The following DUXB variants were observed in gnomAD, a reference collection of about 807,000 sequenced individuals.
DUXB encodes the protein double homeobox B.
Under a neutral mutation model 8.9 loss-of-function variants are expected in DUXB, and 22 were observed. That is an observed-to-expected ratio of 2.46 (90% confidence interval 1.76 to 3.52). DUXB has a LOEUF of 3.52. DUXB is among the 30% of genes most tolerant of loss of function. DUXB has a pLI of 0.00. For synonymous variants in DUXB, 84 were observed against 37.6 expected (o/e 2.23, Z -4.52); for missense variants, 237 against 108.7 (o/e 2.18, Z -5.25).
chr16:75,697,486 C>G (rs889677416), intron 2 of DUXB, among the ~76,000 whole-genome samples: 4 of 152,176 alleles, frequency 2.6e-5, no homozygotes, highest in Non-Finnish European at 5.9e-5. Context: ...TCCTAGCAAG[C>G]CACACACCTC....
intron 2 of DUXB, 30 bp downstream of exon 2, chr16:75,699,985 C>T (rs1386316175): frequency 1.5e-6 from 1 of 676,768 alleles, no homozygotes; most frequent in Non-Finnish European, 2.7e-6. Flanking sequence ...ATGGTTCTGA[C>T]AGGTAATGAA....
At chr16:75,695,331 G>C (rs2082596976) in intron 4 of DUXB, among the ~76,000 whole-genome samples, 1 of 152,184 alleles carries the variant, frequency 6.6e-6, no homozygotes, top group South Asian at 2.1e-4. Flanking sequence ...GTGTGCATAA[G>C]AATTCGTAGT....
chr16:75,699,392 A>G (rs1439005864), intron 2 of DUXB, among the ~76,000 whole-genome samples: 4 of 152,188 alleles, frequency 2.6e-5, no homozygotes, highest in Non-Finnish European at 4.4e-5. Context: ...CATAATTATC[A>G]TGGTGATTTC....
intron 2 of DUXB, 136 bp downstream of exon 2, chr16:75,699,879 T>G: frequency 2.0e-6 from 1 of 512,306 alleles, no homozygotes; most frequent in Non-Finnish European, 3.4e-6. Context: ...TGTTTTCTAA[T>G]TTTGTAGAAC....
chr16:75,694,547 A>C (rs1041127897), intron 4 of DUXB, 22 bp from the exon 5 acceptor site: 2 of 702,964 alleles, frequency 2.8e-6, no homozygotes, highest in Non-Finnish European at 5.2e-6. Context: ...AAAGGGCAAC[A>C]TGACATCATA....
In DUXB at chr16:75,696,027, T is replaced by C. The variant is rs2082603628; in HGVS notation, c.375A>G (p.Pro125=). Residue 125 remains proline (P), a synonymous_variant, in exon 4 of 5, where the codon CCA becomes CCG. Transcript: ENST00000633875. ...TTTTTCTGGTAGCAATATCAGGGAA[T>C]GGGTTCCTCTCAAAGGCTTGCACTA... ...NRLVQAFERN[P]FPDIATRKKL... The C allele has an allele frequency of 2.8e-6, 2 of 702,916 alleles. No individual in the cohort carries two copies. The highest frequency in any genetic ancestry group is 2.0e-5 in the Admixed American group (1 of 49,996). 43.5% of individuals were successfully genotyped at this position (702,916 alleles called of 1,614,324 possible). A position where few individuals can be genotyped will look rare whatever the true frequency, so the allele number is the denominator to read the frequency against.
chr16:75,694,096 C>A lies in DUXB; in HGVS notation c.871G>T (p.Gly291Cys), dbSNP rs1390343070. ...EEHQNHKEHS[G>C]SGVPQVKSHS... is the part of the protein sequence containing the mutation. ...CTCTTGACCTGTGGTACTCCCGAGC[C>A]AGAGTGTTCTTTGTGATTTTGGTGT... Residue 291 changes from glycine (G) to cysteine (C), a missense_variant, in exon 5 of 5, where the codon GGC becomes TGC. Transcript: ENST00000633875. 2 of 420,182 alleles carry A rather than the reference C, an allele frequency of 4.8e-6. No individual in the cohort carries two copies. Among genetic ancestry groups the A allele is most frequent in the Non-Finnish European group, 8.3e-6 (2 of 240,660 alleles). 26.0% of individuals were successfully genotyped at this position (420,182 alleles called of 1,614,324 possible). A position where few individuals can be genotyped will look rare whatever the true frequency, so the allele number is the denominator to read the frequency against.
chr16:75,694,976 T>C (rs1435739202), intron 4 of DUXB, among the ~76,000 whole-genome samples: 2 of 152,218 alleles, frequency 1.3e-5, no homozygotes, highest in Non-Finnish European at 2.9e-5. Context: ...TGACTGTATA[T>C]GAAATCATGT....
At chr16:75,695,873 C>T (rs1454479096) in intron 4 of DUXB, 88 bp downstream of exon 4, 1 of 661,644 alleles carries the variant, frequency 1.5e-6, no homozygotes, top group Non-Finnish European at 2.7e-6. Flanking sequence ...ACTTTGATAA[C>T]CCAAGTCAGC....
At chr16:75,700,894 G>A (rs1427438403) in intron 1 of DUXB, among the ~76,000 whole-genome samples, 1 of 152,000 alleles carries the variant, frequency 6.6e-6, no homozygotes, top group African/African-American at 2.4e-5. Context: ...ATATATATTA[G>A]AAAACGATAA....
intron 3 of DUXB, 145 bp from the exon 4 acceptor site, chr16:75,696,260 C>G: frequency 1.6e-6 from 1 of 614,218 alleles, no homozygotes; most frequent in Non-Finnish European, 2.9e-6. Context: ...GACCAAAAAG[C>G]CCAGAGCTAG....
chr16:75,695,352 G>A (rs1223261839), intron 4 of DUXB, among the ~76,000 whole-genome samples: 1 of 152,184 alleles, frequency 6.6e-6, no homozygotes, highest in African/African-American at 2.4e-5. Flanking sequence ...TTGTGTACAT[G>A]TGTATTCATC....
At chr16:75,699,539 T>G (rs571298523) in intron 2 of DUXB, among the ~76,000 whole-genome samples, 1 of 152,072 alleles carries the variant, frequency 6.6e-6, no homozygotes, top group South Asian at 2.1e-4. Flanking sequence ...CGCATCCTTG[T>G]TTTTATTTGT....
chr16:75,696,222 G>A, intron 3 of DUXB, 107 bp from the exon 4 acceptor site: 1 of 639,206 alleles, frequency 1.6e-6, no homozygotes, highest in Non-Finnish European at 2.8e-6. Context: ...TCCCCGAGGT[G>A]GCAGAAGAGG....
chr16:75,695,994 A>T lies in DUXB; in HGVS notation c.408T>A (p.Ala136=), dbSNP rs1477497487. Residue 136 remains alanine, a synonymous_variant, in exon 4 of 5, where the codon GCT becomes GCA. Coordinates refer to ENST00000633875, the MANE Select transcript of DUXB (RefSeq NM_001351307.2). ...FPDIATRKKL[A]EQTGLQESRI... ...TTGATTCCTGCAGGCCTGTTTGTTC[A>T]GCCAGTTTTTTTCTGGTAGCAATAT... is the stretch of plus-strand genomic sequence containing the variant. The T allele has an allele frequency of 2.8e-6, 2 of 702,900 alleles. No homozygotes were observed. Among genetic ancestry groups the T allele is most frequent in the Admixed American group, 4.0e-5 (2 of 49,982 alleles). 43.5% of individuals were successfully genotyped at this position (702,900 alleles called of 1,614,324 possible).
At chr16:75,697,473 G>T (rs1239755708) in intron 2 of DUXB, among the ~76,000 whole-genome samples, 1 of 152,134 alleles carries the variant, frequency 6.6e-6, no homozygotes. Context: ...TAGATGAGGA[G>T]ACTCCTAGCA....
Position 75,694,124 on chromosome 16 carries a change from T to C in DUXB, c.843A>G (p.Glu281=), listed in dbSNP as rs2082583991. ...AGTGTTCTTTGTGATTTTGGTGTTC[T>C]TCTTGGTATTGGAGCCAGAAGGGAG... is the stretch of plus-strand genomic sequence containing the variant. The part of the protein sequence containing the change: ...TPTPFWLQYQ[E]EHQNHKEHSG... Residue 281 remains glutamate, a synonymous_variant, in exon 5 of 5, where the codon GAA becomes GAG. Coordinates refer to ENST00000633875, the MANE Select transcript of DUXB (RefSeq NM_001351307.2). 2.3e-6 allele frequency: 1 copy of C among 425,636 alleles called. No homozygotes were observed. Among genetic ancestry groups the C allele is most frequent in the African/African-American group, 2.0e-5 (1 of 49,236 alleles). 26.4% of individuals were successfully genotyped at this position (425,636 alleles called of 1,614,324 possible). A position where few individuals can be genotyped will look rare whatever the true frequency, so the allele number is the denominator to read the frequency against.
intron 4 of DUXB, among the ~76,000 whole-genome samples, chr16:75,695,476 C>T (rs907500122): frequency 6.6e-5 from 10 of 152,212 alleles, no homozygotes; most frequent in African/African-American, 1.9e-4. Flanking sequence ...TCACTATCCC[C>T]ATAACTTAGG....
intron 2 of DUXB, among the ~76,000 whole-genome samples, chr16:75,697,749 G>C (rs541750777): frequency 2.0e-5 from 3 of 152,296 alleles, no homozygotes; most frequent in African/African-American, 4.8e-5. Flanking sequence ...GTTAGGAACT[G>C]GGCTGCACAG....
Sources: gnomAD v4.1 joint callset for allele counts (sites outside exome capture counted in the v4.1 genomes callset) on GRCh38, gnomAD v4.1.1 for gene constraint, MANE v1.5 for transcripts, NCBI Gene and HGNC (gene_info 2026-07-23, HGNC 2026-07-21) for gene names.